KCNQ5: variants seen among roughly 807,000 people sequenced by gnomAD.
KCNQ5 encodes the protein potassium voltage-gated channel subfamily KQT member 5.
In KCNQ5, 30 loss-of-function variants were observed where a neutral mutation model predicts 98.2. The ratio of observed to expected loss-of-function variants is 0.31; its 90% confidence interval spans 0.23 to 0.41. The LOEUF (loss-of-function observed/expected upper bound fraction) is 0.41, where lower values mean the gene tolerates loss of function less well. KCNQ5 is among the 10% of genes least tolerant of loss of function. The pLI, the probability that KCNQ5 is intolerant of heterozygous loss-of-function variation, is 1.00. For missense variants in KCNQ5, 835 were observed against 1,182.5 expected (o/e 0.71, Z 4.31); for synonymous variants, 458 against 449.4 (o/e 1.02, Z -0.24).
chr6:73,175,847 G>A (rs1249587633), intron 11 of KCNQ5, among the ~76,000 whole-genome samples: 1 of 127,480 alleles, frequency 7.8e-6, no homozygotes, highest in Admixed American at 7.6e-5. Context: ...AACCTATATC[G>A]GCACTTTTGG....
At chr6:72,967,631 C>T (rs896233463) in intron 1 of KCNQ5, 1 of 154,396 alleles carries the variant, frequency 6.5e-6, no homozygotes, top group Admixed American at 6.5e-5. Flanking sequence ...TAGAGTTTTC[C>T]ATACAAGGTT....
intron 1 of KCNQ5, among the ~76,000 whole-genome samples, chr6:72,825,739 A>C (rs1182132045): frequency 6.6e-6 from 1 of 152,176 alleles, no homozygotes; most frequent in Non-Finnish European, 1.5e-5. Context: ...GCCACCTAGC[A>C]ATAGTTGTTA....
chr6:73,179,230 G>A (rs1358343735), intron 11 of KCNQ5, among the ~76,000 whole-genome samples: 3 of 152,088 alleles, frequency 2.0e-5, no homozygotes, highest in Non-Finnish European at 4.4e-5. Flanking sequence ...TATGGAGGCT[G>A]GGAGGTCCAA....
chr6:72,718,899 T>G (rs1202250136), intron 1 of KCNQ5, among the ~76,000 whole-genome samples: 1 of 152,200 alleles, frequency 6.6e-6, no homozygotes, highest in African/African-American at 2.4e-5. Context: ...CTTTTTTTAT[T>G]GAAATGTAAA....
intron 7 of KCNQ5, among the ~76,000 whole-genome samples, chr6:73,117,994 C>A (rs945361332): frequency 1.3e-5 from 2 of 152,166 alleles, no homozygotes; most frequent in African/African-American, 4.8e-5. Flanking sequence ...ATCATTTAAA[C>A]CTTCCTCAAA....
Position 72,961,463 on chromosome 6 carries a change from GA to G in KCNQ5, c.399-42436del, listed in dbSNP as rs374500533. On this transcript the variant is annotated intron_variant, in intron 1 of 13. Coordinates refer to ENST00000370398, the MANE Select transcript of KCNQ5 (RefSeq NM_019842.4). ...AAACCCCGTCTCTACTAAAAAAATAGAAAAAAAAATTAGCCGGGCGTGGTGG... is the reference window on the plus strand; with the variant it reads ...AAACCCCGTCTCTACTAAAAAAATAGAAAAAAAATTAGCCGGGCGTGGTGG... Among the ~76,000 whole-genome samples, 280 of 150,846 alleles carry G rather than the reference GA, an allele frequency of 1.9e-3. 5 individuals carry two copies. The South Asian group carries it at 0.038, about 21-fold the overall frequency.
chr6:72,938,204 T>A (rs913173876), intron 1 of KCNQ5, among the ~76,000 whole-genome samples: 2 of 152,128 alleles, frequency 1.3e-5, no homozygotes, highest in Non-Finnish European at 1.5e-5. Flanking sequence ...CACTGGGGCT[T>A]CAAGAATAAG....
At chr6:73,042,098 A>G in intron 3 of KCNQ5, 36 bp downstream of exon 3, 10 of 1,611,876 alleles carry the variant, frequency 6.2e-6, no homozygotes, top group Non-Finnish European at 8.5e-6. Flanking sequence ...GGACTATGAC[A>G]CCAACATTCT....
Position 72,905,229 on chromosome 6 carries a change from T to C in KCNQ5, c.399-98679T>C, listed in dbSNP as rs78561858. Among the ~76,000 whole-genome samples, 451 of 152,228 alleles carry C rather than the reference T, an allele frequency of 3.0e-3. 3 individuals carry two copies. The highest frequency in any genetic ancestry group is 0.01 in the African/African-American group (423 of 41,548). ...CATCCGATGCTTCCGGAAGTTTTGA[T>C]TTTTTTTATTTATGCTATTTATTTC... is the stretch of plus-strand genomic sequence containing the variant. On this transcript the variant is annotated intron_variant, in intron 1 of 13. Coordinates refer to ENST00000370398, the MANE Select transcript of KCNQ5 (RefSeq NM_019842.4).
rs562123492 is a variant in KCNQ5, at chr6:72,785,662, A to C, written c.398+163075A>C. ...CAAAACTCCATCTCAAAAAAAAAAAACAAAAACAAACAAACACAAAACAAA... is the reference window on the plus strand; with the variant it reads ...CAAAACTCCATCTCAAAAAAAAAAACCAAAAACAAACAAACACAAAACAAA... On this transcript the variant is annotated intron_variant, in intron 1 of 13. Coordinates refer to ENST00000370398, the MANE Select transcript of KCNQ5 (RefSeq NM_019842.4). Among the ~76,000 whole-genome samples the C allele has an allele frequency of 3.4e-4, 50 of 146,014 alleles. No homozygotes were observed. The South Asian group carries it at 0.011, about 31-fold the overall frequency.
At chr6:73,015,322 T>G (rs538007878) in intron 2 of KCNQ5, among the ~76,000 whole-genome samples, 2 of 152,116 alleles carry the variant, frequency 1.3e-5, no homozygotes, top group South Asian at 4.2e-4. Context: ...ACGACCCTCA[T>G]CAATCTGCCG....
At chr6:73,151,436 A>G (rs539105955) in intron 10 of KCNQ5, among the ~76,000 whole-genome samples, 1 of 152,204 alleles carries the variant, frequency 6.6e-6, no homozygotes, top group East Asian at 1.9e-4. Flanking sequence ...GACCCTCCCA[A>G]CCTTTCAATG....
chr6:72,867,866 A>G (rs1031036344), intron 1 of KCNQ5, among the ~76,000 whole-genome samples: 1 of 151,916 alleles, frequency 6.6e-6, no homozygotes, highest in African/African-American at 2.4e-5. Flanking sequence ...GCCTCAACAC[A>G]CAAGACTTCA....
intron 1 of KCNQ5, among the ~76,000 whole-genome samples, chr6:72,877,333 T>C (rs888330830): frequency 2.0e-5 from 3 of 152,160 alleles, no homozygotes; most frequent in African/African-American, 7.2e-5. Context: ...TCTGTTCCTG[T>C]GTTAGTTTGC....
At chr6:73,017,019 T>C (rs1237577478) in intron 2 of KCNQ5, among the ~76,000 whole-genome samples, 1 of 152,128 alleles carries the variant, frequency 6.6e-6, no homozygotes, top group Non-Finnish European at 1.5e-5. Context: ...TATATTTCCC[T>C]GGGTTCTGCT....
intron 1 of KCNQ5, among the ~76,000 whole-genome samples, chr6:72,707,962 G>C (rs1484080016): frequency 6.6e-6 from 1 of 152,108 alleles, no homozygotes; most frequent in African/African-American, 2.4e-5. Flanking sequence ...GGGTTTACAG[G>C]CATGAGCCAC....
intron 5 of KCNQ5, among the ~76,000 whole-genome samples, chr6:73,079,268 C>G (rs1357519569): frequency 6.6e-6 from 1 of 152,182 alleles, no homozygotes; most frequent in Non-Finnish European, 1.5e-5. Context: ...ATGTCCATAT[C>G]GTTTTGGTTC....
At chr6:72,722,035 G>C (rs1391447436) in intron 1 of KCNQ5, among the ~76,000 whole-genome samples, 1 of 152,172 alleles carries the variant, frequency 6.6e-6, no homozygotes, top group Non-Finnish European at 1.5e-5. Context: ...GAGAAGGAAG[G>C]AGAATCAGAG....
chr6:73,086,299 A>AG (rs1433023785), intron 5 of KCNQ5, among the ~76,000 whole-genome samples: 1 of 152,054 alleles, frequency 6.6e-6, no homozygotes, highest in African/African-American at 2.4e-5. Flanking sequence ...TATAATTGAA[A>AG]GGACAGACAT....
Sources: gnomAD v4.1 joint callset for allele counts (sites outside exome capture counted in the v4.1 genomes callset) on GRCh38, gnomAD v4.1.1 for gene constraint, MANE v1.5 for transcripts, NCBI Gene and HGNC (gene_info 2026-07-23, HGNC 2026-07-21) for gene names.